DGKH: variants seen among roughly 807,000 people sequenced by gnomAD.
DGKH encodes the protein DAG kinase eta.
Under a neutral mutation model 159.3 loss-of-function variants are expected in DGKH, and 90 were observed. The ratio of observed to expected loss-of-function variants is 0.57; its 90% CI spans 0.48 to 0.67. The LOEUF is 0.67. Among genes scored for constraint, DGKH ranks in the 30% least tolerant of loss-of-function variants. The pLI is 0.00. For synonymous variants in DGKH, 536 were observed against 553.8 expected (o/e 0.97, Z 0.45); for missense variants, 1,181 against 1,506.1 (o/e 0.78, Z 3.57).
intron 1 of DGKH, among the ~76,000 whole-genome samples, chr13:42,084,377 A>G (rs79588388): frequency 0.014 from 2,149 of 152,246 alleles, 54 homozygotes; most frequent in African/African-American, 0.048. Context: ...ATCTTAGGAA[A>G]TGATCCCATC....
chr13:42,059,478 A>G lies in DGKH; in HGVS notation c.192+10513A>G, dbSNP rs540005776. Among the ~76,000 whole-genome samples the G allele has an allele frequency of 2.6e-5, 4 of 152,188 alleles. No individual in the cohort carries two copies. The East Asian group carries it at 7.7e-4, about 29-fold the overall frequency. On this transcript the variant is annotated intron_variant, in intron 1 of 29. Transcript: ENST00000337343. ...TTGACCAGGCTGTTCTTGAACTCCT[A>G]ACTTCAAGTGGTCTGCCCACGTTGG...
chr13:42,173,618 G>T (rs1327491690), intron 11 of DGKH, among the ~76,000 whole-genome samples: 1 of 152,128 alleles, frequency 6.6e-6, no homozygotes, highest in Non-Finnish European at 1.5e-5. Flanking sequence ...TTTAATTTAA[G>T]ACATTGTTTT....
intron 12 of DGKH, among the ~76,000 whole-genome samples, chr13:42,175,060 CT>C (rs1013057728): frequency 5.9e-5 from 9 of 152,324 alleles, no homozygotes; most frequent in African/African-American, 2.2e-4. Context: ...GGATTAGTCT[CT>C]GACTCATTAA....
At chr13:42,227,926 A>G (rs1958175612) in intron 29 of DGKH, among the ~76,000 whole-genome samples, 1 of 152,222 alleles carries the variant, frequency 6.6e-6, no homozygotes, top group Non-Finnish European at 1.5e-5. Context: ...TTAACTTCTC[A>G]GACAGGTTAT....
At chr13:42,108,662 C>T (rs1954806610) in intron 1 of DGKH, among the ~76,000 whole-genome samples, 1 of 152,036 alleles carries the variant, frequency 6.6e-6, no homozygotes, top group Non-Finnish European at 1.5e-5. Flanking sequence ...GTAAATGGAG[C>T]TGGAGTGAAA....
intron 11 of DGKH, among the ~76,000 whole-genome samples, chr13:42,170,241 C>A (rs147238988): frequency 5.3e-5 from 8 of 152,084 alleles, no homozygotes; most frequent in Non-Finnish European, 1.0e-4. Flanking sequence ...GCTTTCCCCT[C>A]GTGTGCTATA....
intron 1 of DGKH, among the ~76,000 whole-genome samples, chr13:42,085,148 A>T (rs1025565182): frequency 6.6e-6 from 1 of 152,190 alleles, no homozygotes; most frequent in African/African-American, 2.4e-5. Context: ...GACATGCTAG[A>T]TCATTACCTG....
chr13:42,213,191 T>G (rs1281217195), intron 24 of DGKH, among the ~76,000 whole-genome samples: 1 of 152,086 alleles, frequency 6.6e-6, no homozygotes, highest in Non-Finnish European at 1.5e-5. Context: ...TAAAAAATGA[T>G]AGACTAAAGC....
rs1244441543 is a variant in DGKH, at chr13:42,210,637, G to A, written c.2886G>A (p.Lys962=). ...GCACTCTGAAATCTTGGGAAGATAA[G>A]CAGAAGTGTGATTCTGGTAAACCAG... The part of the protein sequence containing the change: ...FESTLKSWED[K]QKCDSGKPVL... Residue 962 remains lysine, a synonymous_variant, in exon 24 of 30, where the codon AAG becomes AAA. Transcript: ENST00000337343. 1.2e-6 allele frequency: 2 copies of A among 1,611,904 alleles called. No individual in the cohort carries two copies. The highest frequency in any genetic ancestry group is 2.7e-5 in the African/African-American group (2 of 74,826).
Position 42,165,415 on chromosome 13 carries a change from A to G in DGKH, c.940A>G (p.Asn314Asp), listed in dbSNP as rs1468620020. ...ATCTATCATACCTCCAATTGCACTAAACAGCACCGATTCCGATGGTATGTA... is the reference window on the plus strand; with the variant it reads ...ATCTATCATACCTCCAATTGCACTAGACAGCACCGATTCCGATGGTATGTA... ...KVSIIPPIALNSTDSDGFCRA... is the reference protein window; with the variant it reads ...KVSIIPPIALDSTDSDGFCRA... The change falls in exon 8 of 30, where the codon AAC (asparagine) becomes GAC (aspartate). Residue 314 changes from asparagine (N) to aspartate (D), a missense_variant. Asn to Asp is a conservative substitution (Grantham distance 23). Around this residue, in one of 5 missense-constraint regions of DGKH, gnomAD observed 369 missense variants for 519.4 expected, o/e 0.71. Transcript: ENST00000337343. 2.4e-5 allele frequency: 38 copies of G among 1,573,504 alleles called. No individual in the cohort carries two copies. Among genetic ancestry groups the G allele is most frequent in the Non-Finnish European group, 3.1e-5 (36 of 1,159,926 alleles).
At chr13:42,190,242 T>C (rs1049862502) in intron 15 of DGKH, among the ~76,000 whole-genome samples, 161 bp from the exon 16 acceptor site, 2 of 152,224 alleles carry the variant, frequency 1.3e-5, no homozygotes, top group East Asian at 1.9e-4. Flanking sequence ...TGATCTTTAG[T>C]TCTTCGGACA....
At chr13:42,081,604 A>G (rs1266138417) in intron 1 of DGKH, among the ~76,000 whole-genome samples, 1 of 152,202 alleles carries the variant, frequency 6.6e-6, no homozygotes, top group Non-Finnish European at 1.5e-5. Context: ...TATTCAATGT[A>G]TATAAGCCAT....
intron 13 of DGKH, among the ~76,000 whole-genome samples, chr13:42,180,777 A>G (rs1956731947): frequency 6.6e-6 from 1 of 152,232 alleles, no homozygotes; most frequent in African/African-American, 2.4e-5. Flanking sequence ...GGCTGAAGAG[A>G]AAAAAGAGGA....
intron 1 of DGKH, among the ~76,000 whole-genome samples, chr13:42,102,973 G>C (rs659991): frequency 0.24 from 36,024 of 152,114 alleles, 4,862 homozygotes; most frequent in African/African-American, 0.36. Context: ...GAAAAGCTCT[G>C]AGAGATGTGT....
downstream of DGKH, among the ~76,000 whole-genome samples, chr13:42,245,988 G>A (rs9566946): frequency 2.0e-5 from 3 of 152,034 alleles, no homozygotes; most frequent in Non-Finnish European, 4.4e-5. Flanking sequence ...TTAAAAAGTA[G>A]CAGTGTGTTT....
intron 3 of DGKH, among the ~76,000 whole-genome samples, chr13:42,152,838 C>T (rs9590671): frequency 0.36 from 55,002 of 151,520 alleles, 10,919 homozygotes; most frequent in South Asian, 0.45. Context: ...GCTTGTTTCG[C>T]TGGGCCGAGT....
chr13:42,195,249 G>A (rs572197855), intron 17 of DGKH, among the ~76,000 whole-genome samples: 2 of 151,990 alleles, frequency 1.3e-5, no homozygotes, highest in African/African-American at 4.8e-5. Context: ...ACCTGTAATC[G>A]CAGCACTTTG....
intron 17 of DGKH, among the ~76,000 whole-genome samples, chr13:42,196,283 G>A (rs1411192507): frequency 6.6e-6 from 1 of 152,140 alleles, no homozygotes; most frequent in Admixed American, 6.5e-5. Context: ...ATGTGACCCA[G>A]CAATTTTACT....
intron 7 of DGKH, among the ~76,000 whole-genome samples, chr13:42,161,359 G>T (rs1456623499): frequency 6.6e-6 from 1 of 152,150 alleles, no homozygotes; most frequent in Non-Finnish European, 1.5e-5. Flanking sequence ...GTATTAGAAA[G>T]AAAACACGGC....
Sources: gnomAD v4.1 joint callset for allele counts (sites outside exome capture counted in the v4.1 genomes callset) on GRCh38, gnomAD v4.1.1 for gene constraint, gnomAD v4.1.1 regional missense constraint, MANE v1.5 for transcripts, NCBI Gene and HGNC (gene_info 2026-07-23, HGNC 2026-07-21) for gene names.